Variants in EML1 observed in about 807,000 individuals in gnomAD.
EML1 encodes echinoderm microtubule-associated protein-like 1.
Under a neutral mutation model 110.4 loss-of-function variants are expected in EML1, and 27 were observed. That is an observed-to-expected ratio of 0.24 (90% CI 0.18 to 0.34). The LOEUF (loss-of-function observed/expected upper bound fraction) is 0.34. Among genes scored for constraint, EML1 ranks in the 10% least tolerant of loss-of-function variants. The pLI is 1.00. For missense variants in EML1, 741 were observed against 1,030.9 expected, an observed-to-expected ratio of 0.72 and a Z score of 3.85; for synonymous variants, 344 against 385.8, an observed-to-expected ratio of 0.89 and a Z score of 1.27.
At chr14:99,923,854 T>C (rs7152636) in intron 17 of EML1, among the ~76,000 whole-genome samples, 112,821 of 152,192 alleles carry the variant, frequency 0.74, 42,048 homozygotes, top group African/African-American at 0.81. Flanking sequence ...GGGTCTTACT[T>C]TGTGGCCCAG....
chr14:99,864,231 C>T (rs1283864811), intron 2 of EML1, among the ~76,000 whole-genome samples: 1 of 152,054 alleles, frequency 6.6e-6, no homozygotes, highest in Non-Finnish European at 1.5e-5. Flanking sequence ...CTTTTATGTT[C>T]CTTATACAAG....
intron 1 of EML1, among the ~76,000 whole-genome samples, chr14:99,745,254 C>T (rs907634989): frequency 1.3e-5 from 2 of 152,098 alleles, no homozygotes; most frequent in East Asian, 1.9e-4. Flanking sequence ...TTGGTAGAGA[C>T]GAGGTTTCAC....
chr14:99,832,053 C>T (rs921605003), intron 1 of EML1, among the ~76,000 whole-genome samples: 2 of 152,014 alleles, frequency 1.3e-5, no homozygotes, highest in Non-Finnish European at 2.9e-5. Flanking sequence ...CCCTCCCTGC[C>T]CCCCTCCACT....
chr14:99,805,468 T>C (rs1595307836), intron 1 of EML1, among the ~76,000 whole-genome samples: 1 of 152,264 alleles, frequency 6.6e-6, no homozygotes, highest in South Asian at 2.1e-4. Context: ...CTCTTTCTTT[T>C]CTTCTTCTTC....
intron 13 of EML1, among the ~76,000 whole-genome samples, chr14:99,913,847 G>A (rs560723902): frequency 6.6e-6 from 1 of 151,732 alleles, no homozygotes; most frequent in Non-Finnish European, 1.5e-5. Flanking sequence ...CCACCACCAT[G>A]CCCAGCTAAT....
At chr14:99,904,127 A>G (rs938685662) in intron 9 of EML1, among the ~76,000 whole-genome samples, 10 of 152,190 alleles carry the variant, frequency 6.6e-5, no homozygotes, top group African/African-American at 2.2e-4. Context: ...TAAGATTTTT[A>G]TAAACCTTTT....
At chr14:99,751,721 C>T (rs2057177759) in intron 1 of EML1, among the ~76,000 whole-genome samples, 1 of 151,982 alleles carries the variant, frequency 6.6e-6, no homozygotes, top group Admixed American at 6.6e-5. Context: ...GTGCAAAGGC[C>T]CTGAGTTGAG....
intron 17 of EML1, among the ~76,000 whole-genome samples, chr14:99,933,714 C>T (rs1378929672): frequency 6.6e-6 from 1 of 152,204 alleles, no homozygotes; most frequent in Non-Finnish European, 1.5e-5. Context: ...ATATCTACTT[C>T]ACGAGGTTGT....
At chr14:99,914,397 A>T (rs939599974) in intron 14 of EML1, 93 bp downstream of exon 14, 2 of 1,552,042 alleles carry the variant, frequency 1.3e-6, no homozygotes, top group Non-Finnish European at 1.7e-6. Flanking sequence ...TTATACTACG[A>T]TAACCTTCCT....
At chr14:99,914,832 T>C in intron 15 of EML1, 135 bp downstream of exon 15, 1 of 1,190,760 alleles carries the variant, frequency 8.4e-7, no homozygotes. Context: ...AGAGTTGCCT[T>C]AACATTGCAA....
chr14:99,879,761 G>A (rs1465981110), intron 4 of EML1, among the ~76,000 whole-genome samples: 2 of 152,188 alleles, frequency 1.3e-5, no homozygotes, highest in South Asian at 4.1e-4. Context: ...CCTTGGAAAT[G>A]AGGCCAAGTG....
chr14:99,901,132 C>T, intron 9 of EML1, 93 bp downstream of exon 9: 1 of 1,055,318 alleles, frequency 9.5e-7, no homozygotes, highest in Non-Finnish European at 1.5e-6. Flanking sequence ...ACACTCGATA[C>T]CTGCCTGGGT....
intron 13 of EML1, 22 bp downstream of exon 13, chr14:99,911,598 T>A: frequency 1.2e-6 from 2 of 1,603,436 alleles, no homozygotes; most frequent in South Asian, 1.1e-5. Flanking sequence ...AGGCTACTGC[T>A]AAAATTTGTT....
chr14:99,901,007 C>T lies in EML1; in HGVS notation c.976C>T (p.Arg326Ter). The change falls in exon 9 of 22, where the codon CGA becomes TGA. Residue 326 changes from arginine (R) to a stop codon, truncating the protein, a stop_gained. Transcript: ENST00000262233. LOFTEE classifies it high-confidence loss of function. ...LHVIGIGFFD[R>*]AVTCIAFSKS... is the part of the protein sequence containing the mutation. ...CGTCATTGGAATAGGTTTTTTTGACCGAGCAGTCACCTGTATTGCATTCTC... is the reference window on the plus strand; with the variant it reads ...CGTCATTGGAATAGGTTTTTTTGACTGAGCAGTCACCTGTATTGCATTCTC... 6.2e-7 allele frequency: 1 copy of T among 1,614,034 alleles called. No individual in the cohort carries two copies. Among genetic ancestry groups the T allele is most frequent in the Non-Finnish European group, 8.5e-7 (1 of 1,179,986 alleles).
Position 99,872,288 on chromosome 14 carries a change from T to A in EML1, c.384-6197T>A, listed in dbSNP as rs538795434. ...GGCAATTACTCTCAGCAATTTTATC[T>A]TAGGGAAGAAGGGAGGGAGGAAGGG... On this transcript the variant is annotated intron_variant, in intron 3 of 21. Transcript: ENST00000262233. Among the ~76,000 whole-genome samples the A allele has an allele frequency of 1.7e-4, 26 of 152,178 alleles. No individual in the cohort carries two copies. The South Asian group carries it at 4.1e-3, about 24-fold the overall frequency.
chr14:99,777,828 G>A (rs542481447), intron 1 of EML1, among the ~76,000 whole-genome samples: 3 of 152,176 alleles, frequency 2.0e-5, no homozygotes, highest in Non-Finnish European at 2.9e-5. Flanking sequence ...TTTTGAAACA[G>A]GTTCATGCTC....
At chr14:99,776,638 T>C (rs2057486152) in intron 1 of EML1, among the ~76,000 whole-genome samples, 1 of 152,088 alleles carries the variant, frequency 6.6e-6, no homozygotes, top group Non-Finnish European at 1.5e-5. Context: ...CACAAAATAA[T>C]GTAATTAAGG....
Position 99,900,011 on chromosome 14 carries a change from TC to T in EML1, c.898-917del, listed in dbSNP as rs888577021. On this transcript the variant is annotated intron_variant, in intron 8 of 21. Transcript: ENST00000262233. ...TACTAGGTCCAAGGCCAGCACCTTT[TC>T]TTACTGATAAATCTACTGATTGCTC... Among the ~76,000 whole-genome samples the T allele has an allele frequency of 9.2e-5, 14 of 152,182 alleles. No homozygotes were observed. In the South Asian group the frequency reaches 2.7e-3, roughly 29 times the overall value.
At chr14:99,879,821 A>G (rs1385289948) in intron 4 of EML1, among the ~76,000 whole-genome samples, 2 of 152,192 alleles carry the variant, frequency 1.3e-5, no homozygotes, top group East Asian at 3.9e-4. Flanking sequence ...ACGTAGCCCA[A>G]AGCTTCTTTG....
Sources: allele counts gnomAD v4.1 joint callset (sites outside exome capture counted in the v4.1 genomes callset), GRCh38; gene constraint gnomAD v4.1.1; transcripts MANE v1.5; gene names NCBI Gene and HGNC (gene_info 2026-07-23, HGNC 2026-07-21).